Variants in PCSK5 observed in about 807,000 individuals in gnomAD.
The protein encoded by PCSK5 is proprotein convertase subtilisin/kexin type 5, also known as prohormone convertase 5.
In PCSK5, 129 loss-of-function variants were observed where a neutral mutation model predicts 233.2. The ratio of observed to expected loss-of-function variants is 0.55; its 90% CI spans 0.48 to 0.64. PCSK5 has a LOEUF of 0.64. Ranked by LOEUF, PCSK5 falls within the 30% of genes least tolerant of loss-of-function variation. PCSK5 has a pLI of 0.00. For missense variants in PCSK5, 2,076 were observed against 2,430.1 expected, an observed-to-expected ratio of 0.85 and a Z score of 3.06; for synonymous variants, 825 against 879.2, an observed-to-expected ratio of 0.94 and a Z score of 1.09.
At chr9:76,261,613 G>C (rs1348524540) in intron 24 of PCSK5, among the ~76,000 whole-genome samples, 1 of 152,168 alleles carries the variant, frequency 6.6e-6, no homozygotes, top group African/African-American at 2.4e-5. Context: ...GCTGTCAAAA[G>C]AAATCAGATT....
chr9:76,250,593 C>T (rs1479767770), intron 24 of PCSK5, among the ~76,000 whole-genome samples: 1 of 152,196 alleles, frequency 6.6e-6, no homozygotes, highest in Non-Finnish European at 1.5e-5. Flanking sequence ...AACGGAGGGA[C>T]ATTTTGTAAA....
intron 2 of PCSK5, among the ~76,000 whole-genome samples, chr9:75,948,374 T>C (rs1323931513): frequency 1.4e-5 from 2 of 139,682 alleles, no homozygotes; most frequent in Admixed American, 1.5e-4. Context: ...TGTGTTCTCA[T>C]TGTTCACCTC....
At chr9:76,237,736 C>T (rs1056710026) in intron 22 of PCSK5, among the ~76,000 whole-genome samples, 1 of 152,098 alleles carries the variant, frequency 6.6e-6, no homozygotes, top group African/African-American at 2.4e-5. Context: ...GATCATGCCA[C>T]TGCATTCCAG....
At chr9:75,929,931 T>C (rs1396167208) in intron 1 of PCSK5, among the ~76,000 whole-genome samples, 1 of 151,730 alleles carries the variant, frequency 6.6e-6, no homozygotes, top group African/African-American at 2.4e-5. Context: ...GGCACGATCT[T>C]GGCTCACTGC....
rs1832691715 is a variant in PCSK5, at chr9:76,122,792, G to GCTTC, written c.1209-11315_1209-11312dup. Among the ~76,000 whole-genome samples the GCTTC allele has an allele frequency of 2.0e-5, 3 of 148,448 alleles. No individual in the cohort carries two copies. In the South Asian group the frequency reaches 6.4e-4, roughly 32 times the overall value. On this transcript the variant is annotated intron_variant, in intron 9 of 37. Coordinates refer to ENST00000674117, the MANE Select transcript of PCSK5 (RefSeq NM_001372043.1). Reference sequence around the variant, plus strand: ...GACTAAATTATCTGAACACTACTGTGCTTCCATCAGTTACTTATTTTTTCT... The same window carrying GCTTC: ...GACTAAATTATCTGAACACTACTGTGCTTCCTTCCATCAGTTACTTATTTTTTCT...
chr9:75,994,007 T>G (rs1826887867), intron 3 of PCSK5, among the ~76,000 whole-genome samples: 2 of 152,178 alleles, frequency 1.3e-5, no homozygotes, highest in South Asian at 4.1e-4. Flanking sequence ...CAATTCTAAT[T>G]GGGGAATGGC....
chr9:76,191,905 C>A (rs1444917171), intron 20 of PCSK5, among the ~76,000 whole-genome samples: 1 of 151,094 alleles, frequency 6.6e-6, no homozygotes, highest in Admixed American at 6.6e-5. Context: ...ATGGTGAAAC[C>A]CCATCTCTAC....
In PCSK5 at chr9:76,338,384, T is replaced by C; in HGVS notation, c.4903T>C (p.Tyr1635His). The part of the protein sequence containing the change: ...GECHRSCPDH[Y>H]YVEQSTQTCE... ...GTGTCATCGCTCCTGCCCAGACCAT[T>C]ACTATGTAGAGCAAAGCACACAGAC... Residue 1635 changes from tyrosine to histidine, a missense_variant, in exon 35 of 38, where the codon TAC becomes CAC. Physicochemically the swap from Tyr to His is moderately conservative, Grantham distance 83. This residue lies in a region of PCSK5 where 1,510 missense variants were observed against 1,538.1 expected (regional missense o/e 0.98). Coordinates refer to ENST00000674117, the MANE Select transcript of PCSK5 (RefSeq NM_001372043.1). 1 of 1,612,674 alleles carries C rather than the reference T, an allele frequency of 6.2e-7. No individual in the cohort carries two copies. The highest frequency in any genetic ancestry group is 8.5e-7 in the Non-Finnish European group (1 of 1,179,792).
At chr9:76,064,151 C>G in intron 5 of PCSK5, among the ~76,000 whole-genome samples, 1 of 129,694 alleles carries the variant, frequency 7.7e-6, no homozygotes, top group Non-Finnish European at 1.6e-5. Context: ...CCCCCACCTC[C>G]CTCCCGGACG....
intron 20 of PCSK5, chr9:76,193,851 G>A (rs1407441517): frequency 6.5e-6 from 1 of 154,594 alleles, no homozygotes; most frequent in Non-Finnish European, 1.4e-5. Flanking sequence ...ACAGAAAACT[G>A]GACCTGAGGG....
At chr9:76,343,144 C>T (rs954433317) in intron 35 of PCSK5, among the ~76,000 whole-genome samples, 17 of 148,856 alleles carry the variant, frequency 1.1e-4, no homozygotes, top group Admixed American at 7.7e-4. Context: ...AAAAACAACT[C>T]TCTACTGACC....
chr9:76,205,667 G>C (rs148361074), intron 20 of PCSK5, among the ~76,000 whole-genome samples: 2 of 152,200 alleles, frequency 1.3e-5, no homozygotes, highest in African/African-American at 4.8e-5. Context: ...TTAATCAAAT[G>C]GTTGTCAACG....
chr9:76,344,693 G>A (rs1055272666), intron 35 of PCSK5, among the ~76,000 whole-genome samples: 4 of 152,136 alleles, frequency 2.6e-5, no homozygotes, highest in African/African-American at 9.7e-5. Context: ...CATCATTACT[G>A]GATGTGTGGG....
intron 35 of PCSK5, among the ~76,000 whole-genome samples, chr9:76,342,796 A>ACC (rs1564191606): frequency 6.6e-6 from 1 of 152,024 alleles, no homozygotes; most frequent in Non-Finnish European, 1.5e-5. Context: ...TGTGCTCCCT[A>ACC]TTGGGATAAA....
At chr9:76,248,027 G>A (rs993650479) in intron 24 of PCSK5, among the ~76,000 whole-genome samples, 16 of 152,060 alleles carry the variant, frequency 1.1e-4, no homozygotes, top group Non-Finnish European at 1.9e-4. Flanking sequence ...CTCGTGGTCC[G>A]CCAGCCTCAG....
intron 10 of PCSK5, among the ~76,000 whole-genome samples, chr9:76,147,204 A>G (rs367615435): frequency 6.6e-6 from 1 of 152,174 alleles, no homozygotes; most frequent in Non-Finnish European, 1.5e-5. Context: ...ATCTAGACCA[A>G]TCTGTCCCTG....
intron 10 of PCSK5, among the ~76,000 whole-genome samples, chr9:76,146,305 T>A (rs1045605847): frequency 6.6e-6 from 1 of 151,280 alleles, no homozygotes; most frequent in African/African-American, 2.4e-5. Flanking sequence ...CTTCCATCTA[T>A]AAGTGCCTGG....
chr9:75,898,210 T>C (rs750724210), intron 1 of PCSK5, among the ~76,000 whole-genome samples: 6 of 152,226 alleles, frequency 3.9e-5, no homozygotes, highest in Admixed American at 6.5e-5. Flanking sequence ...GTATGTAATA[T>C]ACTCAAGTAT....
chr9:76,021,272 G>A (rs542880003), intron 3 of PCSK5, among the ~76,000 whole-genome samples: 31 of 152,152 alleles, frequency 2.0e-4, no homozygotes, highest in Non-Finnish European at 3.7e-4. Context: ...GTCAACAACA[G>A]TTTGGCACAA....
Sources: allele counts gnomAD v4.1 joint callset (sites outside exome capture counted in the v4.1 genomes callset), GRCh38; gene constraint gnomAD v4.1.1; regional missense constraint gnomAD v4.1.1; transcripts MANE v1.5; gene names NCBI Gene and HGNC (gene_info 2026-07-23, HGNC 2026-07-21).